Variants in DYNLT5 observed in about 807,000 individuals in gnomAD.
The protein encoded by DYNLT5 is dynein light chain Tctex-type 5.
DYNLT5 carries 25 observed loss-of-function variants against 19.3 expected under a neutral mutation model. The observed-to-expected ratio is 1.30, with a 90% confidence interval of 0.95 to 1.81. The LOEUF is 1.81. Ranked by LOEUF, DYNLT5 falls within the 40% of genes most tolerant of loss-of-function variation. DYNLT5 has a pLI of 0.00. For missense variants in DYNLT5, 232 were observed against 217.9 expected, an observed-to-expected ratio of 1.06 and a Z score of -0.41; for synonymous variants, 82 against 68.9, an observed-to-expected ratio of 1.19 and a Z score of -0.94.
In DYNLT5 at chr1:66,754,796, T is replaced by C. The variant is rs1204079456; in HGVS notation, c.119+19T>C. The C allele has an allele frequency of 2.0e-5, 32 of 1,599,516 alleles. No individual in the cohort carries two copies. The highest frequency in any genetic ancestry group is 1.6e-4 in the Admixed American group (9 of 57,388). On this transcript the variant is annotated intron_variant, in intron 2 of 4. Transcript: ENST00000282670. ...TCAAAGAGTGAGTAACTGTCTAAAATTGTAAATTCATTTATTGAATAAATA... is the reference window on the plus strand; with the variant it reads ...TCAAAGAGTGAGTAACTGTCTAAAACTGTAAATTCATTTATTGAATAAATA...
At position 66,777,545 on chromosome 1, in the gene DYNLT5, A is replaced by G. The variant is rs1572554285; in HGVS notation, c.*91A>G. On this transcript the variant is annotated 3_prime_UTR_variant, in exon 5 of 5. Transcript: ENST00000282670. ...AAGTTTTACTGCCAAAAACTTTGAG[A>G]AAGAAACAACACTGATATTTCAAGC... The G allele has an allele frequency of 6.2e-6, 7 of 1,128,946 alleles. No homozygotes were observed. The East Asian group carries it at 1.7e-4, about 27-fold the overall frequency. 69.9% of individuals were successfully genotyped at this position (1,128,946 alleles called of 1,614,324 possible). A position where few individuals can be genotyped will look rare whatever the true frequency, so the allele number is the denominator to read the frequency against.
At position 66,767,538 on chromosome 1, in the gene DYNLT5, G is replaced by A. The variant is rs185892370; in HGVS notation, c.120-2849G>A. ...CTCCCAAAGTGCTGGGATTACAGGCGTGAGCCACCACTGCCAGCCCCAAGT... is the reference window on the plus strand; with the variant it reads ...CTCCCAAAGTGCTGGGATTACAGGCATGAGCCACCACTGCCAGCCCCAAGT... On this transcript the variant is annotated intron_variant, in intron 2 of 4. Transcript: ENST00000282670. 3.2e-4 allele frequency among the ~76,000 whole-genome samples: 48 copies of A among 152,268 alleles called. No homozygotes were observed. In the East Asian group the frequency reaches 6.7e-3, roughly 21 times the overall value.
intron 3 of DYNLT5, among the ~76,000 whole-genome samples, chr1:66,774,641 T>G (rs1036045765): frequency 9.8e-5 from 15 of 152,294 alleles, no homozygotes; most frequent in African/African-American, 2.9e-4. Flanking sequence ...GGCTCCTGCC[T>G]GTGAGTTCAT....
At chr1:66,753,348 G>A (rs1178171142) in intron 1 of DYNLT5, among the ~76,000 whole-genome samples, 1 of 152,176 alleles carries the variant, frequency 6.6e-6, no homozygotes, top group African/African-American at 2.4e-5. Context: ...CACATTTATA[G>A]ATTATGAAAT....
At chr1:66,757,360 T>A (rs888175726) in intron 2 of DYNLT5, among the ~76,000 whole-genome samples, 3 of 152,202 alleles carry the variant, frequency 2.0e-5, no homozygotes, top group Non-Finnish European at 4.4e-5. Flanking sequence ...TAAATTTATA[T>A]TAAATATTAT....
chr1:66,752,802 G>A (rs1360207120), intron 1 of DYNLT5, among the ~76,000 whole-genome samples: 2 of 152,216 alleles, frequency 1.3e-5, no homozygotes, highest in East Asian at 3.9e-4. Flanking sequence ...TGGGGGCTGG[G>A]CTTCAAGAGT....
chr1:66,753,102 C>T (rs2150856514), intron 1 of DYNLT5, among the ~76,000 whole-genome samples: 1 of 152,008 alleles, frequency 6.6e-6, no homozygotes, highest in Admixed American at 6.6e-5. Context: ...CACCTGCACA[C>T]ACAGAGATGC....
At chr1:66,770,830 G>A (rs1429918636) in intron 3 of DYNLT5, 5 of 298,750 alleles carry the variant, frequency 1.7e-5, no homozygotes, top group Admixed American at 4.7e-5. Context: ...AAACCAATCA[G>A]TGTTGTTAGG....
intron 2 of DYNLT5, 65 bp from the exon 3 acceptor site, chr1:66,770,322 C>A: frequency 9.4e-7 from 1 of 1,058,682 alleles, no homozygotes; most frequent in Non-Finnish European, 1.4e-6. Flanking sequence ...TAGCTTAAAG[C>A]AATATTGTAT....
At chr1:66,766,983 G>C (rs544789282) in intron 2 of DYNLT5, among the ~76,000 whole-genome samples, 1 of 152,118 alleles carries the variant, frequency 6.6e-6, no homozygotes, top group African/African-American at 2.4e-5. Context: ...TGGGGCCTAC[G>C]TGAGGGTTGA....
chr1:66,778,372 G>T lies in DYNLT5; in HGVS notation c.*918G>T, dbSNP rs1334250216. 1 of 152,612 alleles carries T rather than the reference G, an allele frequency of 6.6e-6. No homozygotes were observed. The highest frequency in any genetic ancestry group is 1.5e-5 in the Non-Finnish European group (1 of 68,032). The allele number at this position is 152,612 out of a possible 1,614,324, so 9.5% of individuals were successfully genotyped here. On this transcript the variant is annotated 3_prime_UTR_variant, in exon 5 of 5. Coordinates refer to ENST00000282670, the MANE Select transcript of DYNLT5 (RefSeq NM_152665.3). ...ACTAAAGTGACCCAGTGAGGTTTTT[G>T]AATAGACGGGTGCTAAAATTTACAG...
At position 66,777,519 on chromosome 1, in the gene DYNLT5, A is replaced by G; in HGVS notation, c.*65A>G. ...GAGGCAGGCTGTATGTCTGTACACA[A>G]AAGTTTTACTGCCAAAAACTTTGAG... On this transcript the variant is annotated 3_prime_UTR_variant, in exon 5 of 5. Coordinates refer to ENST00000282670, the MANE Select transcript of DYNLT5 (RefSeq NM_152665.3). 2.1e-6 allele frequency: 3 copies of G among 1,426,788 alleles called. No homozygotes were observed. Among genetic ancestry groups the G allele is most frequent in the Non-Finnish European group, 9.5e-7 (1 of 1,051,618 alleles). The allele number at this position is 1,426,788 out of a possible 1,614,324, so 88.4% of individuals were successfully genotyped here. A position where few individuals can be genotyped will look rare whatever the true frequency, so the allele number is the denominator to read the frequency against.
chr1:66,777,857 G>A lies in DYNLT5; in HGVS notation c.*403G>A, dbSNP rs1645245986. The A allele has an allele frequency of 6.3e-6, 1 of 157,632 alleles. No individual in the cohort carries two copies. The highest frequency in any genetic ancestry group is 1.4e-5 in the Non-Finnish European group (1 of 71,262). 9.8% of individuals were successfully genotyped at this position (157,632 alleles called of 1,614,324 possible). A position where few individuals can be genotyped will look rare whatever the true frequency, so the allele number is the denominator to read the frequency against. On this transcript the variant is annotated 3_prime_UTR_variant, in exon 5 of 5. Coordinates refer to ENST00000282670, the MANE Select transcript of DYNLT5 (RefSeq NM_152665.3). Reference sequence around the variant, plus strand: ...AAATGATAGTAGAATATTCAACATGGTATACACAAATGATAAATAATGTGC... The same window carrying A: ...AAATGATAGTAGAATATTCAACATGATATACACAAATGATAAATAATGTGC...
In DYNLT5 at chr1:66,754,644, C is replaced by A; in HGVS notation, c.-3-12C>A. 1 of 1,587,680 alleles carries A rather than the reference C, an allele frequency of 6.3e-7. No individual in the cohort carries two copies. Among genetic ancestry groups the A allele is most frequent in the South Asian group, 1.2e-5 (1 of 85,682 alleles). On this transcript the variant is annotated splice_polypyrimidine_tract_variant and intron_variant, in intron 1 of 4. Coordinates refer to ENST00000282670, the MANE Select transcript of DYNLT5 (RefSeq NM_152665.3). The stretch of plus-strand genomic sequence containing the variant: ...CTTTCTTTTGCTATTTTACAAAAGT[C>A]TTCTTCCATAGGTTATGATGATGTC...
intron 2 of DYNLT5, among the ~76,000 whole-genome samples, chr1:66,762,956 G>T (rs1324270884): frequency 6.6e-6 from 1 of 152,120 alleles, no homozygotes; most frequent in Non-Finnish European, 1.5e-5. Flanking sequence ...TTGTATGCAT[G>T]TATCAAAATA....
chr1:66,776,649 C>T (rs973518424), intron 4 of DYNLT5, among the ~76,000 whole-genome samples: 1 of 151,974 alleles, frequency 6.6e-6, no homozygotes, highest in African/African-American at 2.4e-5. Context: ...GTGTATAAAA[C>T]TGCCCCATTT....
rs1446879317 is a variant in DYNLT5, at chr1:66,770,475, T to C, written c.208T>C (p.Leu70=). ...LTVQMENTYQ[L]GPPKHFPVVT... ...AGTTCAGATGGAAAACACCTATCAGTTGGGTGTGTTCTTTTATCTCTCACT... is the reference window on the plus strand; with the variant it reads ...AGTTCAGATGGAAAACACCTATCAGCTGGGTGTGTTCTTTTATCTCTCACT... Residue 70 remains leucine (L), a synonymous_variant, in exon 3 of 5, where the codon TTG becomes CTG. Transcript: ENST00000282670. 6.2e-7 allele frequency: 1 copy of C among 1,609,636 alleles called. No homozygotes were observed.
chr1:66,770,520 T>C (rs1382554915), intron 3 of DYNLT5, 42 bp downstream of exon 3: 3 of 1,393,530 alleles, frequency 2.2e-6, no homozygotes, highest in South Asian at 2.3e-5. Flanking sequence ...AACTTCTAAA[T>C]TGGTGACTGA....
At chr1:66,753,987 C>A (rs1224313805) in intron 1 of DYNLT5, among the ~76,000 whole-genome samples, 2 of 150,794 alleles carry the variant, frequency 1.3e-5, no homozygotes, top group African/African-American at 4.9e-5. Context: ...GTGGCTCATG[C>A]CTGTAATCCC....
Sources: allele counts gnomAD v4.1 joint callset (sites outside exome capture counted in the v4.1 genomes callset), GRCh38; gene constraint gnomAD v4.1.1; transcripts MANE v1.5; gene names NCBI Gene and HGNC (gene_info 2026-07-23, HGNC 2026-07-21).